Variants in CTNNA3 observed in about 807,000 individuals in gnomAD.
CTNNA3 encodes catenin alpha-3.
A neutral mutation model predicts 95.7 loss-of-function variants in CTNNA3; 76 were observed. That is an observed-to-expected ratio of 0.79 (90% CI 0.66 to 0.96). The LOEUF is 0.96. Among genes scored for constraint, CTNNA3 ranks in the 40% least tolerant of loss-of-function variants. The probability of loss-of-function intolerance (pLI) is 0.00; values close to 1 mark genes in which losing one functional copy is unlikely to be tolerated. For missense variants in CTNNA3, 1,191 were observed against 1,089.8 expected (o/e 1.09, Z -1.31); for synonymous variants, 431 against 374.4 (o/e 1.15, Z -1.74).
chr10:66,371,962 A>C (rs1264419037), intron 12 of CTNNA3, among the ~76,000 whole-genome samples: 1 of 152,172 alleles, frequency 6.6e-6, no homozygotes, highest in Non-Finnish European at 1.5e-5. Flanking sequence ...TAGCGAATAA[A>C]TGTACCAGCT....
chr10:66,256,721 C>CA (rs34013367), intron 13 of CTNNA3, among the ~76,000 whole-genome samples: 29,236 of 140,428 alleles, frequency 0.21, 3,393 homozygotes, highest in African/African-American at 0.34. Context: ...GACATTGTCT[C>CA]AAAAAAAAAA....
intron 11 of CTNNA3, among the ~76,000 whole-genome samples, chr10:66,519,667 A>C (rs1840988443): frequency 6.6e-6 from 1 of 152,072 alleles, no homozygotes; most frequent in Non-Finnish European, 1.5e-5. Context: ...TACTTGTCCC[A>C]CTTTTGCTTC....
intron 11 of CTNNA3, among the ~76,000 whole-genome samples, chr10:66,388,446 A>T (rs1235759824): frequency 6.6e-6 from 1 of 152,164 alleles, no homozygotes; most frequent in Non-Finnish European, 1.5e-5. Flanking sequence ...TCTTCTGTAG[A>T]AGTATGATCT....
At chr10:66,301,260 A>C (rs1177924951) in intron 12 of CTNNA3, among the ~76,000 whole-genome samples, 1 of 152,064 alleles carries the variant, frequency 6.6e-6, no homozygotes, top group Non-Finnish European at 1.5e-5. Flanking sequence ...GGAGGAAATT[A>C]TACCAATTCT....
chr10:66,136,190 C>A (rs1462039720), intron 13 of CTNNA3, among the ~76,000 whole-genome samples: 1 of 152,218 alleles, frequency 6.6e-6, no homozygotes, highest in Non-Finnish European at 1.5e-5. Context: ...GCGTGAGCCA[C>A]CGCGCCAGGC....
chr10:67,250,600 C>T (rs1437468677), intron 5 of CTNNA3, among the ~76,000 whole-genome samples: 1 of 152,130 alleles, frequency 6.6e-6, no homozygotes, highest in Non-Finnish European at 1.5e-5. Flanking sequence ...GGTCCTGGAA[C>T]TCATCCCTCA....
intron 5 of CTNNA3, among the ~76,000 whole-genome samples, chr10:67,366,812 G>A (rs1338153190): frequency 6.6e-6 from 1 of 152,126 alleles, no homozygotes; most frequent in Non-Finnish European, 1.5e-5. Context: ...CTATCCATAT[G>A]CAGAAGAATA....
At chr10:66,864,686 A>T (rs2132421661) in intron 7 of CTNNA3, among the ~76,000 whole-genome samples, 1 of 152,278 alleles carries the variant, frequency 6.6e-6, no homozygotes, top group South Asian at 2.1e-4. Flanking sequence ...TCTATAAAAA[A>T]AAAGTTTCTA....
intron 7 of CTNNA3, among the ~76,000 whole-genome samples, chr10:67,048,505 G>A (rs1320136653): frequency 6.6e-6 from 1 of 151,978 alleles, no homozygotes; most frequent in Non-Finnish European, 1.5e-5. Flanking sequence ...AGGAAATATT[G>A]CACAGCTCAC....
At chr10:66,798,022 T>C (rs943864726) in intron 7 of CTNNA3, among the ~76,000 whole-genome samples, 1 of 151,886 alleles carries the variant, frequency 6.6e-6, no homozygotes, top group African/African-American at 2.4e-5. Flanking sequence ...ACTATTTTCA[T>C]TATACACTCT....
rs2090469053 is a variant in CTNNA3 at position 66,249,583 on chromosome 10, C to T, written c.1884+30887G>A. On this transcript the variant is annotated intron_variant, in intron 13 of 17. Coordinates refer to ENST00000433211, the MANE Select transcript of CTNNA3 (RefSeq NM_013266.4). The stretch of plus-strand genomic sequence containing the variant: ...GCAAATCAAAACTATAATGAGATAA[C>T]ATCTCACCCCAGTTAAAATGGCTTT... 3.9e-5 allele frequency among the ~76,000 whole-genome samples: 6 copies of T among 152,160 alleles called. No homozygotes were observed. The South Asian group carries it at 1.2e-3, about 31-fold the overall frequency.
At chr10:66,382,271 T>A (rs1456591459) in intron 11 of CTNNA3, among the ~76,000 whole-genome samples, 1 of 152,150 alleles carries the variant, frequency 6.6e-6, no homozygotes, top group Non-Finnish European at 1.5e-5. Flanking sequence ...GCAGAAAAGG[T>A]GATTCTCTCC....
At chr10:66,860,607 TC>T (rs1437868233) in intron 7 of CTNNA3, among the ~76,000 whole-genome samples, 1 of 152,186 alleles carries the variant, frequency 6.6e-6, no homozygotes, top group African/African-American at 2.4e-5. Flanking sequence ...GTTTCTCTGT[TC>T]CTGTGTATAA....
intron 5 of CTNNA3, among the ~76,000 whole-genome samples, chr10:67,488,756 G>A (rs532692106): frequency 3.5e-4 from 52 of 147,350 alleles, no homozygotes; most frequent in South Asian, 3.1e-3. Flanking sequence ...TGCAACCTCC[G>A]GCTCCCAGGC....
intron 5 of CTNNA3, among the ~76,000 whole-genome samples, chr10:67,509,522 C>T (rs1181233661): frequency 6.6e-6 from 1 of 152,164 alleles, no homozygotes; most frequent in Non-Finnish European, 1.5e-5. Context: ...GACATGAACT[C>T]ATCCTTTTTT....
intron 9 of CTNNA3, among the ~76,000 whole-genome samples, chr10:66,718,677 T>C (rs181149913): frequency 8.6e-4 from 129 of 149,572 alleles, no homozygotes; most frequent in Non-Finnish European, 1.4e-3. Flanking sequence ...AATAAACTTA[T>C]AATAAAGAGA....
At chr10:67,569,679 A>T (rs1397438148) in intron 3 of CTNNA3, among the ~76,000 whole-genome samples, 1 of 152,158 alleles carries the variant, frequency 6.6e-6, no homozygotes, top group Non-Finnish European at 1.5e-5. Context: ...GATGGGTCTG[A>T]AAATTATTGT....
At chr10:67,072,072 C>G (rs1413557251) in intron 7 of CTNNA3, among the ~76,000 whole-genome samples, 1 of 152,204 alleles carries the variant, frequency 6.6e-6, no homozygotes, top group Non-Finnish European at 1.5e-5. Flanking sequence ...CATGCTTCAG[C>G]CTCTTGAGTA....
chr10:67,637,027 G>A (rs1305489167), intron 2 of CTNNA3, among the ~76,000 whole-genome samples: 1 of 152,084 alleles, frequency 6.6e-6, no homozygotes, highest in East Asian at 1.9e-4. Context: ...TGACTTTGAT[G>A]AGTTGAGAGA....
Sources: gnomAD v4.1 joint callset for allele counts (sites outside exome capture counted in the v4.1 genomes callset) on GRCh38, gnomAD v4.1.1 for gene constraint, MANE v1.5 for transcripts, NCBI Gene and HGNC (gene_info 2026-07-23, HGNC 2026-07-21) for gene names.